The following SYT10 variants were observed in gnomAD, a reference collection of about 807,000 sequenced individuals.
The protein encoded by SYT10 is synaptotagmin 10.
A neutral mutation model predicts 51.1 loss-of-function variants in SYT10; 31 were observed. The observed-to-expected ratio is 0.61, with a 90% CI of 0.46 to 0.82. The LOEUF (loss-of-function observed/expected upper bound fraction) is 0.82. Among genes scored for constraint, SYT10 ranks in the 40% least tolerant of loss-of-function variants. The probability of loss-of-function intolerance (pLI) is 0.00; values close to 1 mark genes in which losing one functional copy is unlikely to be tolerated. For synonymous variants in SYT10, 233 were observed against 225.9 expected (o/e 1.03, Z -0.28); for missense variants, 603 against 634.0 (o/e 0.95, Z 0.53).
chr12:33,410,897 C>T (rs1416130865), intron 2 of SYT10, among the ~76,000 whole-genome samples: 1 of 152,188 alleles, frequency 6.6e-6, no homozygotes, highest in Non-Finnish European at 1.5e-5. Flanking sequence ...GATGCCTTTG[C>T]TCTTCAGATG....
intron 5 of SYT10, among the ~76,000 whole-genome samples, 190 bp downstream of exon 5, chr12:33,382,148 GAATTTTAATTT>G (rs981571098): frequency 1.3e-5 from 2 of 152,124 alleles, no homozygotes; most frequent in Admixed American, 6.5e-5. Context: ...AGTCCCCGGT[GAATTTTAATTT>G]AAAGATGACT....
intron 1 of SYT10, among the ~76,000 whole-genome samples, chr12:33,429,813 T>C (rs1866582400): frequency 6.6e-6 from 1 of 152,174 alleles, no homozygotes; most frequent in Non-Finnish European, 1.5e-5. Context: ...TTGTTCACCA[T>C]AATGACAAGG....
chr12:33,396,889 C>T (rs1388410382), intron 3 of SYT10, among the ~76,000 whole-genome samples: 3 of 152,108 alleles, frequency 2.0e-5, no homozygotes, highest in African/African-American at 4.8e-5. Flanking sequence ...CCACTCACCT[C>T]GGCCTCCCAA....
At chr12:33,430,659 T>C (rs1319432089) in intron 1 of SYT10, among the ~76,000 whole-genome samples, 4 of 152,200 alleles carry the variant, frequency 2.6e-5, no homozygotes, top group Admixed American at 2.6e-4. Context: ...TGTACAAAAA[T>C]GTGATTTCCA....
intron 3 of SYT10, among the ~76,000 whole-genome samples, chr12:33,403,278 G>T (rs1866322274): frequency 6.8e-6 from 1 of 147,796 alleles, no homozygotes; most frequent in Non-Finnish European, 1.5e-5. Flanking sequence ...TGTTGCCCAG[G>T]CTGGTGTGTA....
intron 6 of SYT10, among the ~76,000 whole-genome samples, chr12:33,377,627 T>TC (rs1555175832): frequency 1.4e-5 from 1 of 73,882 alleles, no homozygotes; most frequent in African/African-American, 8.0e-5. Context: ...CTTTTTCTTT[T>TC]TCTTTTTTTT....
chr12:33,399,710 T>A (rs1866285993), intron 3 of SYT10, among the ~76,000 whole-genome samples: 1 of 152,328 alleles, frequency 6.6e-6, no homozygotes, highest in African/African-American at 2.4e-5. Context: ...GGAACTGAAC[T>A]CTCATGGTCT....
intron 1 of SYT10, among the ~76,000 whole-genome samples, chr12:33,428,634 C>T (rs1240706016): frequency 1.3e-5 from 2 of 152,058 alleles, no homozygotes; most frequent in African/African-American, 2.4e-5. Flanking sequence ...CGGCCAGGCG[C>T]GGTGGCTCCC....
Position 33,424,550 on chromosome 12 carries a change from C to T in SYT10, c.509+1588G>A, listed in dbSNP as rs551866388. 3.3e-5 allele frequency among the ~76,000 whole-genome samples: 5 copies of T among 151,942 alleles called. No individual in the cohort carries two copies. In the East Asian group the frequency reaches 5.8e-4, roughly 18 times the overall value. On this transcript the variant is annotated intron_variant, in intron 2 of 6. Transcript: ENST00000228567. ...GATATCATATGTGGCCAAAGTTTTC[C>T]GGGATGGTAGTGATAATCAAGTAAA...
In SYT10 at chr12:33,382,461, T is replaced by G; in HGVS notation, c.1258A>C (p.Thr420Pro). Residue 420 changes from threonine to proline, a missense_variant, in exon 5 of 7, where the codon ACT becomes CCT. Transcript: ENST00000228567. ...EGRRLKKRKT[T>P]TKKNTLNPVY... is the part of the protein sequence containing the mutation. ...GGGTTTAGAGTGTTTTTCTTTGTAG[T>G]TGTTTTCCTCTTTTTTAATCTTCGA... 4 of 1,613,232 alleles carry G rather than the reference T, an allele frequency of 2.5e-6. No homozygotes were observed. Among genetic ancestry groups the G allele is most frequent in the Non-Finnish European group, 3.4e-6 (4 of 1,179,506 alleles).
intron 3 of SYT10, among the ~76,000 whole-genome samples, chr12:33,388,054 G>A (rs1866173363): frequency 6.6e-6 from 1 of 152,014 alleles, no homozygotes; most frequent in Non-Finnish European, 1.5e-5. Context: ...TGTGGAGATG[G>A]GGAAATTAAT....
chr12:33,408,842 C>T lies in SYT10; in HGVS notation c.510-1486G>A, dbSNP rs183551915. Among the ~76,000 whole-genome samples the T allele has an allele frequency of 2.0e-5, 3 of 152,306 alleles. No homozygotes were observed. The East Asian group carries it at 5.8e-4, about 29-fold the overall frequency. ...GCACTAATATTTTTTATCAGTCACT[C>T]ATGCTTCCAAGAATGAAGTATGCTT... On this transcript the variant is annotated intron_variant, in intron 2 of 6. Transcript: ENST00000228567.
intron 3 of SYT10, among the ~76,000 whole-genome samples, chr12:33,393,938 A>G (rs1866231914): frequency 6.6e-6 from 1 of 152,216 alleles, no homozygotes; most frequent in Non-Finnish European, 1.5e-5. Context: ...CTTATAGAAA[A>G]GGAACACTTT....
chr12:33,416,081 C>G (rs1384774856), intron 2 of SYT10, among the ~76,000 whole-genome samples: 1 of 120,402 alleles, frequency 8.3e-6, no homozygotes, highest in African/African-American at 3.1e-5. Flanking sequence ...ACACCATTCT[C>G]TTTTATTTGT....
chr12:33,431,891 G>C (rs972895900), intron 1 of SYT10, among the ~76,000 whole-genome samples: 1 of 152,070 alleles, frequency 6.6e-6, no homozygotes, highest in African/African-American at 2.4e-5. Flanking sequence ...GTTAGCTTTA[G>C]AGCACAGTAC....
chr12:33,400,385 G>T (rs1866292282), intron 3 of SYT10, among the ~76,000 whole-genome samples: 1 of 152,146 alleles, frequency 6.6e-6, no homozygotes, highest in African/African-American at 2.4e-5. Context: ...CCAATACTCT[G>T]AATTGCTGAT....
At chr12:33,391,898 G>C (rs1447557312) in intron 3 of SYT10, among the ~76,000 whole-genome samples, 5 of 152,202 alleles carry the variant, frequency 3.3e-5, no homozygotes, top group Admixed American at 3.3e-4. Flanking sequence ...GGCATCTACT[G>C]TTTGAAGGAG....
chr12:33,413,848 G>A (rs1866429708), intron 2 of SYT10, among the ~76,000 whole-genome samples: 1 of 152,168 alleles, frequency 6.6e-6, no homozygotes, highest in African/African-American at 2.4e-5. Context: ...AATCTTAAAT[G>A]TAAATGGGCT....
intron 3 of SYT10, among the ~76,000 whole-genome samples, chr12:33,401,937 T>C (rs894324896): frequency 3.3e-5 from 5 of 152,214 alleles, no homozygotes; most frequent in Admixed American, 2.6e-4. Flanking sequence ...CAGAGTCTAG[T>C]GGCAGACATA....
Sources: gnomAD v4.1 joint callset for allele counts (sites outside exome capture counted in the v4.1 genomes callset) on GRCh38, gnomAD v4.1.1 for gene constraint, MANE v1.5 for transcripts, NCBI Gene and HGNC (gene_info 2026-07-23, HGNC 2026-07-21) for gene names.